Variants in CRHR1 observed in about 807,000 individuals in gnomAD.
CRHR1 encodes corticotropin-releasing hormone receptor 1.
In CRHR1, 28 loss-of-function variants were observed where a neutral mutation model predicts 56.0. The observed-to-expected ratio is 0.50, with a 90% CI of 0.37 to 0.69. CRHR1 has a LOEUF of 0.69. Ranked by LOEUF, CRHR1 falls within the 30% of genes least tolerant of loss-of-function variation. CRHR1 has a pLI of 0.00. For missense variants in CRHR1, 376 were observed against 548.0 expected, an observed-to-expected ratio of 0.69 and a Z score of 3.13; for synonymous variants, 195 against 216.5, an observed-to-expected ratio of 0.90 and a Z score of 0.87.
chr17:45,829,440 G>A, intron 5 of CRHR1, 119 bp downstream of exon 5: 3 of 1,325,194 alleles, frequency 2.3e-6, no homozygotes, highest in South Asian at 1.3e-5. Flanking sequence ...GGTGGCAGGG[G>A]CTGGCTTATC....
chr17:45,787,936 GC>G (rs1457920956), intron 1 of CRHR1, among the ~76,000 whole-genome samples: 2 of 152,236 alleles, frequency 1.3e-5, no homozygotes, highest in African/African-American at 4.8e-5. Flanking sequence ...GGGGCCAAAA[GC>G]CAGGCCAAGC....
At chr17:45,830,292 A>C in intron 6 of CRHR1, 78 bp downstream of exon 6, 1 of 1,600,512 alleles carries the variant, frequency 6.2e-7, no homozygotes, top group Non-Finnish European at 8.5e-7. Context: ...CCTGCAGAGG[A>C]GGAGCCCACA....
chr17:45,833,693 T>TCGGGCCC, intron 10 of CRHR1, 21 bp from the exon 11 acceptor site: 1 of 1,571,618 alleles, frequency 6.4e-7, no homozygotes, highest in South Asian at 1.1e-5. Context: ...ACTCCGAGCC[T>TCGGGCCC]CCCCACCCGC....
At chr17:45,814,766 T>C (rs2061893827) in intron 2 of CRHR1, among the ~76,000 whole-genome samples, 1 of 152,244 alleles carries the variant, frequency 6.6e-6, no homozygotes. Flanking sequence ...CACTCCGTGA[T>C]AACATTCACA....
At chr17:45,805,254 T>A (rs1229752372) in intron 1 of CRHR1, among the ~76,000 whole-genome samples, 6 of 152,188 alleles carry the variant, frequency 3.9e-5, no homozygotes, top group African/African-American at 9.7e-5. Context: ...ATCTTTATTT[T>A]AAAAAAATAA....
chr17:45,802,007 GTTT>G (rs534988754), intron 1 of CRHR1, among the ~76,000 whole-genome samples: 4 of 146,488 alleles, frequency 2.7e-5, no homozygotes, highest in African/African-American at 7.5e-5. Flanking sequence ...AATTCTCCGT[GTTT>G]TTTTTTTTGT....
At position 45,807,137 on chromosome 17, in the gene CRHR1, C is replaced by T. The variant is rs1056171833; in HGVS notation, c.121+40C>T. ...CCCCCTCCTGCAAGATTCCTGGTCACCACAATGCCCCCTACCCCAGGTATC... is the reference window on the plus strand; with the variant it reads ...CCCCCTCCTGCAAGATTCCTGGTCATCACAATGCCCCCTACCCCAGGTATC... On this transcript the variant is annotated intron_variant, in intron 2 of 12. Transcript: ENST00000314537. 13 of 1,561,708 alleles carry T rather than the reference C, an allele frequency of 8.3e-6. 1 individual carries two copies. In the Admixed American group the frequency reaches 2.2e-4, roughly 26 times the overall value.
At chr17:45,787,313 CA>C (rs1331552868) in intron 1 of CRHR1, among the ~76,000 whole-genome samples, 2 of 152,066 alleles carry the variant, frequency 1.3e-5, no homozygotes, top group Non-Finnish European at 2.9e-5. Context: ...ACCTCGGAGT[CA>C]GCCACACACC....
Position 45,833,749 on chromosome 17 carries a change from T to A in CRHR1, c.965T>A (p.Leu322His). 7.1e-7 allele frequency: 1 copy of A among 1,409,890 alleles called. No homozygotes were observed. The highest frequency in any genetic ancestry group is 1.6e-5 in the African/African-American group (1 of 61,596). 87.3% of individuals were successfully genotyped at this position (1,409,890 alleles called of 1,614,324 possible). ...AVKATLVLLPLLGITYMLFFV... is the reference protein window; with the variant it reads ...AVKATLVLLPHLGITYMLFFV... ...AAAGCCACTCTGGTGCTGCTGCCCC[T>A]CCTGGGCATCACCTACATGCTGTTC... Residue 322 changes from leucine to histidine, a missense_variant, in exon 11 of 13, where the codon CTC (leucine) becomes CAC (histidine). Coordinates refer to ENST00000314537, the MANE Select transcript of CRHR1 (RefSeq NM_004382.5).
intron 4 of CRHR1, 40 bp from the exon 5 acceptor site, chr17:45,829,175 C>T (rs1255653246): frequency 6.6e-7 from 1 of 1,515,590 alleles, no homozygotes; most frequent in Admixed American, 1.7e-5. Flanking sequence ...CAGCTCCCAT[C>T]CAGCAGAAGG....
chr17:45,824,626 G>A (rs1643535631), intron 4 of CRHR1, among the ~76,000 whole-genome samples: 1 of 152,190 alleles, frequency 6.6e-6, no homozygotes, highest in African/African-American at 2.4e-5. Context: ...CAAGGAAGAG[G>A]ATCGGGAGCC....
chr17:45,816,399 C>T, intron 2 of CRHR1, 64 bp from the exon 3 acceptor site: 1 of 1,597,132 alleles, frequency 6.3e-7, no homozygotes, highest in Non-Finnish European at 8.5e-7. Context: ...CTGGAATGTC[C>T]TCTGCCTGCC....
chr17:45,821,196 G>A (rs2062032531), intron 3 of CRHR1, among the ~76,000 whole-genome samples, 159 bp from the exon 4 acceptor site: 1 of 152,230 alleles, frequency 6.6e-6, no homozygotes, highest in Non-Finnish European at 1.5e-5. Context: ...AGATGGGGGT[G>A]GTAAGGAAGC....
chr17:45,806,638 C>T (rs1300928348), intron 1 of CRHR1, among the ~76,000 whole-genome samples: 2 of 152,180 alleles, frequency 1.3e-5, no homozygotes, highest in Non-Finnish European at 1.5e-5. Flanking sequence ...CACATGCACA[C>T]GTGTATATGG....
chr17:45,808,796 A>G (rs2061766635), intron 2 of CRHR1, among the ~76,000 whole-genome samples: 1 of 152,128 alleles, frequency 6.6e-6, no homozygotes, highest in African/African-American at 2.4e-5. Context: ...CTACGTGCAC[A>G]CCACCATACC....
chr17:45,825,380 C>T (rs1448339072), intron 4 of CRHR1: 2 of 154,568 alleles, frequency 1.3e-5, no homozygotes, highest in African/African-American at 4.8e-5. Context: ...CCCCCCACCA[C>T]CTCCCGCTAC....
intron 1 of CRHR1, among the ~76,000 whole-genome samples, chr17:45,806,104 C>T (rs2061713141): frequency 1.3e-5 from 2 of 152,200 alleles, no homozygotes; most frequent in African/African-American, 4.8e-5. Flanking sequence ...CATGGCAACA[C>T]AGCGTAACGG....
intron 5 of CRHR1, chr17:45,829,656 GC>G: frequency 6.5e-7 from 1 of 1,550,308 alleles, no homozygotes; most frequent in South Asian, 1.2e-5. Context: ...AGGTACCTGG[GC>G]CCCAGCACTA....
In CRHR1 at chr17:45,833,697, C is replaced by CCCCCCCCCCCCCCCCGCCG; in HGVS notation, c.930-17_930-16insCCCCCCCCCCCCCCCGCCG. 1 of 604,408 alleles carries CCCCCCCCCCCCCCCCGCCG rather than the reference C, an allele frequency of 1.7e-6. No homozygotes were observed. Among genetic ancestry groups the CCCCCCCCCCCCCCCCGCCG allele is most frequent in the Non-Finnish European group, 3.0e-6 (1 of 328,018 alleles). The allele number at this position is 604,408 out of a possible 1,614,324, so 37.4% of individuals were successfully genotyped here. A position where few individuals can be genotyped will look rare whatever the true frequency, so the allele number is the denominator to read the frequency against. On this transcript the variant is annotated splice_polypyrimidine_tract_variant and intron_variant, in intron 10 of 12. Transcript: ENST00000314537. ...GGTGGGCTGTGACTCCGAGCCTCCC[C>CCCCCCCCCCCCCCCCGCCG]ACCCGCCCCACCCCAGGAAGGCTGT...
Sources: allele counts gnomAD v4.1 joint callset (sites outside exome capture counted in the v4.1 genomes callset), GRCh38; gene constraint gnomAD v4.1.1; transcripts MANE v1.5; gene names NCBI Gene and HGNC (gene_info 2026-07-23, HGNC 2026-07-21).